XKR6: variants seen among roughly 807,000 people sequenced by gnomAD.
The protein encoded by XKR6 is XK related 6, also known as XK-related protein 6.
Under a neutral mutation model 56.7 loss-of-function variants are expected in XKR6, and 22 were observed. The ratio of observed to expected loss-of-function variants is 0.39; its 90% CI spans 0.28 to 0.55. The LOEUF is 0.55. Among genes scored for constraint, XKR6 ranks in the 20% least tolerant of loss-of-function variants. The pLI is 0.66. For synonymous variants in XKR6, 524 were observed against 387.8 expected, an observed-to-expected ratio of 1.35 and a Z score of -4.13; for missense variants, 852 against 889.0, an observed-to-expected ratio of 0.96 and a Z score of 0.53.
At chr8:11,182,031 C>T (rs947345902) in intron 1 of XKR6, among the ~76,000 whole-genome samples, 4 of 152,196 alleles carry the variant, frequency 2.6e-5, no homozygotes, top group Admixed American at 2.0e-4. Flanking sequence ...GCGATCCGCT[C>T]GCTTCCCAAA....
chr8:11,050,714 C>T (rs1473095479), intron 1 of XKR6, among the ~76,000 whole-genome samples: 1 of 152,084 alleles, frequency 6.6e-6, no homozygotes, highest in Non-Finnish European at 1.5e-5. Context: ...TAGAGAAGGG[C>T]TTCCGTTTTC....
At chr8:10,970,484 C>T (rs1390604548) in intron 1 of XKR6, among the ~76,000 whole-genome samples, 2 of 152,186 alleles carry the variant, frequency 1.3e-5, no homozygotes, top group Non-Finnish European at 2.9e-5. Context: ...AATAACACAA[C>T]AAGCACTCCT....
chr8:11,157,934 T>G (rs1163509103), intron 1 of XKR6, among the ~76,000 whole-genome samples: 1 of 152,180 alleles, frequency 6.6e-6, no homozygotes, highest in East Asian at 1.9e-4. Flanking sequence ...CAAGCGGCAT[T>G]AGATATGTTA....
chr8:10,926,216 C>A (rs1488679028), intron 1 of XKR6, among the ~76,000 whole-genome samples: 1 of 152,208 alleles, frequency 6.6e-6, no homozygotes, highest in East Asian at 1.9e-4. Flanking sequence ...TGCCACAACA[C>A]CAGCTGGCTC....
chr8:10,997,698 G>T (rs1674794962), intron 1 of XKR6, among the ~76,000 whole-genome samples: 1 of 152,134 alleles, frequency 6.6e-6, no homozygotes, highest in Non-Finnish European at 1.5e-5. Context: ...AGTGGGAGGT[G>T]CTGGCAACTA....
At chr8:11,185,109 G>A (rs1033134762) in intron 1 of XKR6, among the ~76,000 whole-genome samples, 2 of 152,116 alleles carry the variant, frequency 1.3e-5, no homozygotes, top group Non-Finnish European at 1.5e-5. Flanking sequence ...ACATGGGTGC[G>A]GGTGTGAGTG....
intron 1 of XKR6, among the ~76,000 whole-genome samples, chr8:10,994,148 T>C (rs1798057195): frequency 6.6e-6 from 1 of 152,196 alleles, no homozygotes; most frequent in African/African-American, 2.4e-5. Flanking sequence ...GAACCCACCA[T>C]GCAATTGGGT....
rs542189725 is a variant in XKR6 at position 11,040,695 on chromosome 8, A to C, written c.765-115865T>G. ...TTCTCACTGTGAACAAACCCTCCTC[A>C]TCAGGGCACTAACACCATCACTGGG... On this transcript the variant is annotated intron_variant, in intron 1 of 2. Transcript: ENST00000416569. Among the ~76,000 whole-genome samples the C allele has an allele frequency of 1.4e-3, 220 of 152,216 alleles. 2 individuals carry two copies. The highest frequency in any genetic ancestry group is 0.014 in the Middle Eastern group (4 of 294).
intron 1 of XKR6, among the ~76,000 whole-genome samples, chr8:11,169,588 G>C (rs1802260156): frequency 6.6e-6 from 1 of 152,206 alleles, no homozygotes; most frequent in Non-Finnish European, 1.5e-5. Context: ...AACAGGCAAA[G>C]TCAGAGAGAA....
chr8:11,133,604 AAAG>A (rs1483250266), intron 1 of XKR6, among the ~76,000 whole-genome samples: 2 of 152,136 alleles, frequency 1.3e-5, no homozygotes, highest in African/African-American at 2.4e-5. Context: ...AGGACTCAGC[AAAG>A]AATTGTGTGT....
At chr8:11,063,485 G>A (rs1327906783) in intron 1 of XKR6, among the ~76,000 whole-genome samples, 2 of 144,632 alleles carry the variant, frequency 1.4e-5, no homozygotes, top group Middle Eastern at 7.2e-3. Flanking sequence ...TTCCTCCCCA[G>A]CTCCCCAGGT....
chr8:11,036,486 G>C (rs974334554), intron 1 of XKR6, among the ~76,000 whole-genome samples: 4 of 152,204 alleles, frequency 2.6e-5, no homozygotes, highest in Non-Finnish European at 5.9e-5. Context: ...GAGCTTGTTA[G>C]GAATGCACAT....
chr8:10,913,003 T>C (rs1800452930), intron 2 of XKR6, among the ~76,000 whole-genome samples: 1 of 149,386 alleles, frequency 6.7e-6, no homozygotes, highest in Admixed American at 6.7e-5. Flanking sequence ...CATATATATA[T>C]ATATACAGAG....
chr8:11,007,854 A>C (rs1798406338), intron 1 of XKR6, among the ~76,000 whole-genome samples: 1 of 151,360 alleles, frequency 6.6e-6, no homozygotes, highest in Admixed American at 6.6e-5. Flanking sequence ...GCGGTAGGAG[A>C]GGTAAAATTC....
chr8:11,131,812 G>C (rs1360191467), intron 1 of XKR6, among the ~76,000 whole-genome samples: 1 of 152,174 alleles, frequency 6.6e-6, no homozygotes, highest in Non-Finnish European at 1.5e-5. Flanking sequence ...ACACTATTCA[G>C]TAGAGTAACG....
At chr8:10,922,480 G>A (rs1240733516) in intron 2 of XKR6, among the ~76,000 whole-genome samples, 1 of 152,200 alleles carries the variant, frequency 6.6e-6, no homozygotes, top group Non-Finnish European at 1.5e-5. Context: ...TTTATGGGTA[G>A]GTTTCTAGAG....
intron 1 of XKR6, among the ~76,000 whole-genome samples, chr8:11,063,719 G>C (rs62490748): frequency 6.6e-6 from 1 of 152,126 alleles, no homozygotes; most frequent in Non-Finnish European, 1.5e-5. Context: ...CCACGGAGAT[G>C]AGGAGTTCTA....
intron 1 of XKR6, among the ~76,000 whole-genome samples, chr8:11,086,533 C>T (rs1162525657): frequency 6.6e-6 from 1 of 152,228 alleles, no homozygotes; most frequent in African/African-American, 2.4e-5. Context: ...ACACCCTGCC[C>T]AGCCCACATG....
intron 1 of XKR6, among the ~76,000 whole-genome samples, chr8:11,153,775 C>A (rs573463910): frequency 6.6e-6 from 1 of 152,298 alleles, no homozygotes; most frequent in Admixed American, 6.5e-5. Context: ...TAAGAGGTAT[C>A]TTGGACTCCT....
Sources: allele counts gnomAD v4.1 joint callset (sites outside exome capture counted in the v4.1 genomes callset), GRCh38; gene constraint gnomAD v4.1.1; transcripts MANE v1.5; gene names NCBI Gene and HGNC (gene_info 2026-07-23, HGNC 2026-07-21).